Variants in GPHN observed in about 807,000 individuals in gnomAD.
GPHN encodes the protein gephyrin.
GPHN carries 17 observed loss-of-function variants against 95.5 expected under a neutral mutation model. The ratio of observed to expected loss-of-function variants is 0.18; its 90% CI spans 0.12 to 0.27. GPHN has a LOEUF of 0.27. Ranked by LOEUF, GPHN falls within the 10% of genes least tolerant of loss-of-function variation. The pLI is 1.00. For missense variants in GPHN, 660 were observed against 978.1 expected (o/e 0.67, Z 4.34); for synonymous variants, 320 against 322.5 (o/e 0.99, Z 0.08).
At chr14:67,064,906 G>T (rs527782479) in intron 11 of GPHN, among the ~76,000 whole-genome samples, 26 of 152,104 alleles carry the variant, frequency 1.7e-4, no homozygotes, top group African/African-American at 5.5e-4. Context: ...TTGATTTTTT[G>T]AAGGGTTTTT....
the GPHN span, among the ~76,000 whole-genome samples, chr14:67,670,726 A>C: frequency 2.0e-5 from 3 of 152,004 alleles, no homozygotes; most frequent in African/African-American, 7.2e-5. Context: ...ATGGGGTTTC[A>C]CCATGTTGAC....
At chr14:66,701,012 G>C (rs1027365927) in intron 2 of GPHN, among the ~76,000 whole-genome samples, 1 of 152,084 alleles carries the variant, frequency 6.6e-6, no homozygotes, top group Non-Finnish European at 1.5e-5. Context: ...AAGAGTACAT[G>C]CACAGAAAGG....
At chr14:67,382,387 C>T in the GPHN span, 2 of 1,469,160 alleles carry the variant, frequency 1.4e-6, no homozygotes, top group African/African-American at 1.4e-5. Context: ...TCTCAAGCAT[C>T]CTAATAGTTG....
the GPHN span, chr14:67,578,112 G>T: frequency 1.2e-6 from 2 of 1,613,928 alleles, no homozygotes; most frequent in Middle Eastern, 3.3e-4. The surrounding 1 kb of genome is among the most constrained non-coding windows in gnomAD (Gnocchi z 5.0). Flanking sequence ...AGGTCTGCCT[G>T]GTTCACCCCG....
intron 9 of GPHN, among the ~76,000 whole-genome samples, chr14:66,973,150 T>A (rs6573739): frequency 0.29 from 44,628 of 151,408 alleles, 10,993 homozygotes; most frequent in African/African-American, 0.66. Flanking sequence ...ATATATATAT[T>A]TTTTTTCCAT....
chr14:67,669,902 A>C, the GPHN span, among the ~76,000 whole-genome samples: 24 of 152,186 alleles, frequency 1.6e-4, no homozygotes, highest in Non-Finnish European at 2.1e-4. Context: ...GAATTCGAGA[A>C]CAGCCTGGAT....
the GPHN span, chr14:67,585,597 T>G: frequency 6.3e-7 from 1 of 1,585,750 alleles, no homozygotes; most frequent in South Asian, 1.2e-5. Flanking sequence ...AGGAGAACGC[T>G]CTGGTGTGGA....
chr14:67,444,815 AG>A, the GPHN span, among the ~76,000 whole-genome samples: 70 of 152,268 alleles, frequency 4.6e-4, no homozygotes, highest in South Asian at 3.7e-3. Flanking sequence ...GTTGGAGTGC[AG>A]TGGCAAAATC....
intron 1 of GPHN, among the ~76,000 whole-genome samples, chr14:66,662,200 A>G (rs2065700322): frequency 6.6e-6 from 1 of 151,724 alleles, no homozygotes; most frequent in African/African-American, 2.4e-5. Context: ...CCCTGATCCC[A>G]CTCTTCCTGA....
chr14:66,683,433 C>CATATATATATATG (rs2067128014), intron 2 of GPHN, among the ~76,000 whole-genome samples: 1 of 3,634 alleles, frequency 2.8e-4, no homozygotes, highest in Non-Finnish European at 5.4e-4. Flanking sequence ...TATTCATATT[C>CATATATATATATG]TTGTGTTGTT....
chr14:67,028,981 A>G (rs2074056580), intron 10 of GPHN, among the ~76,000 whole-genome samples: 1 of 152,132 alleles, frequency 6.6e-6, no homozygotes, highest in South Asian at 2.1e-4. Context: ...TTCGTCTAGC[A>G]GTTTTATAGT....
chr14:67,360,398 C>A, the GPHN span: 2 of 395,386 alleles, frequency 5.1e-6, no homozygotes, highest in Non-Finnish European at 4.5e-6. Flanking sequence ...CAAGTCTGGT[C>A]TCTGTGATTG....
chr14:67,400,671 G>A, the GPHN span, among the ~76,000 whole-genome samples: 2 of 151,964 alleles, frequency 1.3e-5, no homozygotes, highest in Admixed American at 1.3e-4. Context: ...AGGGAGGTGG[G>A]AGGTGGAGTA....
the GPHN span, chr14:67,726,861 G>A: frequency 2.5e-6 from 2 of 800,460 alleles, no homozygotes; most frequent in Admixed American, 2.0e-5. Context: ...GTTACTCATG[G>A]CATCAAAATT....
At chr14:67,549,679 T>C in the GPHN span, among the ~76,000 whole-genome samples, 34 of 152,224 alleles carry the variant, frequency 2.2e-4, 1 homozygote, top group East Asian at 6.6e-3. Context: ...TCGTGAACCA[T>C]TTGAGAAGGG....
At chr14:66,575,287 C>T (rs1231723176) in intron 1 of GPHN, among the ~76,000 whole-genome samples, 1 of 152,148 alleles carries the variant, frequency 6.6e-6, no homozygotes, top group African/African-American at 2.4e-5. Flanking sequence ...GAGGTTTCTG[C>T]TGAGAAATCC....
intron 4 of GPHN, among the ~76,000 whole-genome samples, chr14:66,866,129 C>G (rs967634451): frequency 6.6e-6 from 1 of 152,056 alleles, no homozygotes; most frequent in Non-Finnish European, 1.5e-5. Flanking sequence ...TGCCTGTTGT[C>G]CAAACCTGAA....
the GPHN span, among the ~76,000 whole-genome samples, chr14:67,513,735 C>G: frequency 6.6e-6 from 1 of 152,300 alleles, no homozygotes; most frequent in Admixed American, 6.5e-5. Flanking sequence ...CTAGGGCCCT[C>G]CAGTGCCTTC....
intron 2 of GPHN, among the ~76,000 whole-genome samples, chr14:66,685,300 G>A (rs938930299): frequency 1.3e-5 from 2 of 152,276 alleles, no homozygotes; most frequent in South Asian, 4.1e-4. Flanking sequence ...GGTATTTCTA[G>A]TTCTAGATCC....
Sources: allele counts gnomAD v4.1 joint callset (sites outside exome capture counted in the v4.1 genomes callset), GRCh38; gene constraint gnomAD v4.1.1; non-coding constraint Gnocchi (gnomAD v3.1); transcripts MANE v1.5; gene names NCBI Gene and HGNC (gene_info 2026-07-23, HGNC 2026-07-21).